TPPP: variants seen among roughly 807,000 people sequenced by gnomAD.
The protein encoded by TPPP is tubulin polymerization promoting protein, also known as tubulin polymerization-promoting protein.
A neutral mutation model predicts 15.5 loss-of-function variants in TPPP; 6 were observed. The observed-to-expected ratio is 0.39, with a 90% CI of 0.21 to 0.77. TPPP has a LOEUF of 0.77. TPPP is among the 30% of genes least tolerant of loss of function. The probability of loss-of-function intolerance (pLI) is 0.42; values close to 1 mark genes in which losing one functional copy is unlikely to be tolerated. For missense variants in TPPP, 269 were observed against 307.2 expected (o/e 0.88, Z 0.93); for synonymous variants, 146 against 133.9 (o/e 1.09, Z -0.63).
intron 2 of TPPP, among the ~76,000 whole-genome samples, chr5:675,429 AGCACGGTGG>A (rs1561087183): frequency 4.8e-5 from 3 of 62,262 alleles, no homozygotes; most frequent in Non-Finnish European, 6.1e-5. Context: ...CCAGGGGTGC[AGCACGGTGG>A]GTGCAGTGTG....
At chr5:669,471 ACT>A (rs1246411800) in intron 2 of TPPP, among the ~76,000 whole-genome samples, 2 of 151,848 alleles carry the variant, frequency 1.3e-5, no homozygotes, top group African/African-American at 2.4e-5. Flanking sequence ...GGGGGTGTTG[ACT>A]CTCTGGGGCC....
rs1189966094 is a variant in TPPP at position 693,300 on chromosome 5, C to T, written c.-27G>A. 2.0e-5 allele frequency: 3 copies of T among 150,454 alleles called. No homozygotes were observed. The highest frequency in any genetic ancestry group is 4.0e-4 in the East Asian group (2 of 5,016). 9.3% of individuals were successfully genotyped at this position (150,454 alleles called of 1,614,324 possible). A position where few individuals can be genotyped will look rare whatever the true frequency, so the allele number is the denominator to read the frequency against. ...TACCTTGGAGACGCAGCGACTGCAG[C>T]GGAGGCGCCTCCGCGACTCGGCCGC... On this transcript the variant is annotated 5_prime_UTR_variant, in exon 1 of 4. Coordinates refer to ENST00000360578, the MANE Select transcript of TPPP (RefSeq NM_007030.3).
At chr5:676,691 T>C (rs394465) in intron 2 of TPPP, 104,779 of 152,212 alleles carry the variant, frequency 0.69, 37,673 homozygotes, top group African/African-American at 0.91. Context: ...TGAAATGTGC[T>C]GGGGCGTGTG....
At chr5:676,805 T>TGCACAC in intron 2 of TPPP, among the ~76,000 whole-genome samples, 2 of 141,376 alleles carry the variant, frequency 1.4e-5, no homozygotes, top group South Asian at 4.2e-4. Flanking sequence ...CACGTGCACA[T>TGCACAC]GCAGAAACAC....
chr5:675,047 ATGGCTGGGGGTGCAGTG>A (rs1391422011), intron 2 of TPPP, among the ~76,000 whole-genome samples: 1 of 24,396 alleles, frequency 4.1e-5, no homozygotes, highest in Non-Finnish European at 7.2e-5. Context: ...GGGGTACAGT[ATGGCTGGGGGTGCAGTG>A]TGGCCAGGGG....
chr5:693,800 C>T (rs1423128986), upstream of TPPP, among the ~76,000 whole-genome samples: 1 of 148,890 alleles, frequency 6.7e-6, no homozygotes, highest in African/African-American at 2.5e-5. Flanking sequence ...GAGGACGGTG[C>T]GGGGCGAGCC....
At chr5:667,355 A>G (rs1243541524) in intron 2 of TPPP, among the ~76,000 whole-genome samples, 2 of 152,210 alleles carry the variant, frequency 1.3e-5, no homozygotes, top group African/African-American at 4.8e-5. Flanking sequence ...AGCTGGAGCA[A>G]CTGGTGATCC....
the TPPP span, among the ~76,000 whole-genome samples, chr5:699,471 A>G: frequency 6.6e-6 from 1 of 152,096 alleles, no homozygotes; most frequent in Non-Finnish European, 1.5e-5. Flanking sequence ...AGTTAACTCA[A>G]GAGGGATTGA....
rs1342175451 is a variant in TPPP, at chr5:675,508, G to T, written c.311+2242C>A. ...GGGGTACATTGTGGCCGGGGCTGCA[G>T]TGTGACCAGGGGTGCAGTGTGGCCG... On this transcript the variant is annotated intron_variant, in intron 2 of 3. Transcript: ENST00000360578. Among the ~76,000 whole-genome samples, 453 of 97,904 alleles carry T rather than the reference G, an allele frequency of 4.6e-3. 19 individuals are homozygous for T. The highest frequency in any genetic ancestry group is 0.027 in the African/African-American group (417 of 15,552). 64.2% of individuals were successfully genotyped at this position (97,904 alleles called of 152,430 possible).
At chr5:697,836 G>A (rs1323076794), upstream of TPPP, among the ~76,000 whole-genome samples, 1 of 147,204 alleles carries the variant, frequency 6.8e-6, no homozygotes, top group East Asian at 2.0e-4. Flanking sequence ...CTCATTCTAT[G>A]AGGCCAGTAT....
At chr5:678,523 G>T (rs1740527412) in intron 1 of TPPP, among the ~76,000 whole-genome samples, 1 of 143,220 alleles carries the variant, frequency 7.0e-6, no homozygotes, top group African/African-American at 3.0e-5. Context: ...ACTCCCCAGG[G>T]TCTGTGACGT....
Position 661,871 on chromosome 5 carries a change from G to A in TPPP, c.*3231C>T, listed in dbSNP as rs991175245. ...GCTGAGTGGAGAAGGGTGCTCTCCT[G>A]GCTCCCGCATGTCTGAGAAAAGCCT... On this transcript the variant is annotated 3_prime_UTR_variant, in exon 4 of 4. Transcript: ENST00000360578. 1 of 152,374 alleles carries A rather than the reference G, an allele frequency of 6.6e-6. No individual in the cohort carries two copies. The highest frequency in any genetic ancestry group is 1.5e-5 in the Non-Finnish European group (1 of 68,072). 9.4% of individuals were successfully genotyped at this position (152,374 alleles called of 1,614,324 possible). A position where few individuals can be genotyped will look rare whatever the true frequency, so the allele number is the denominator to read the frequency against.
At chr5:681,346 AC>A (rs1740615414) in intron 1 of TPPP, among the ~76,000 whole-genome samples, 2 of 152,108 alleles carry the variant, frequency 1.3e-5, no homozygotes, top group African/African-American at 4.8e-5. Context: ...CCAGGCGTGT[AC>A]CCACCATCTC....
chr5:669,004 T>G (rs529465035), intron 2 of TPPP, among the ~76,000 whole-genome samples: 11 of 152,316 alleles, frequency 7.2e-5, no homozygotes, highest in African/African-American at 2.6e-4. Context: ...ACGCGTGTCC[T>G]AAAGACACAA....
chr5:695,546 G>A (rs573359049), upstream of TPPP, among the ~76,000 whole-genome samples: 24 of 149,378 alleles, frequency 1.6e-4, no homozygotes, highest in Admixed American at 6.6e-4. Context: ...TTCCTCTTAC[G>A]GCTTAGGAGG....
chr5:668,423 C>T (rs912794000), intron 2 of TPPP, among the ~76,000 whole-genome samples: 4 of 125,742 alleles, frequency 3.2e-5, no homozygotes, highest in African/African-American at 8.8e-5. Context: ...GAGAGGGGGC[C>T]GCGTGGGCGC....
intron 1 of TPPP, among the ~76,000 whole-genome samples, chr5:683,433 G>T (rs1382589941): frequency 6.6e-6 from 1 of 152,202 alleles, no homozygotes; most frequent in African/African-American, 2.4e-5. Context: ...CAGGAGCCCC[G>T]CGTGCTTCTG....
chr5:696,475 G>A (rs1281616576), upstream of TPPP, among the ~76,000 whole-genome samples: 1 of 146,994 alleles, frequency 6.8e-6, no homozygotes, highest in Non-Finnish European at 1.5e-5. Context: ...GCTTCTTTGG[G>A]CCCCGTAGGG....
At chr5:676,902 C>T (rs1024506653) in intron 2 of TPPP, among the ~76,000 whole-genome samples, 5 of 134,130 alleles carry the variant, frequency 3.7e-5, no homozygotes, top group Admixed American at 7.0e-5. Context: ...GAAACGCGCA[C>T]GCGCGCATAC....
Sources: gnomAD v4.1 joint callset for allele counts (sites outside exome capture counted in the v4.1 genomes callset) on GRCh38, gnomAD v4.1.1 for gene constraint, MANE v1.5 for transcripts, NCBI Gene and HGNC (gene_info 2026-07-23, HGNC 2026-07-21) for gene names.